ZNF736: variants seen among roughly 807,000 people sequenced by gnomAD.
The protein encoded by ZNF736 is zinc finger protein 736, also known as KRAB-containing zinc-finger repressor protein.
Under a neutral mutation model 11.7 loss-of-function variants are expected in ZNF736, and 6 were observed. That is an observed-to-expected ratio of 0.51 (90% CI 0.28 to 1.01). The LOEUF is 1.01. Among genes scored for constraint, ZNF736 ranks in the 50% least tolerant of loss-of-function variants. The pLI, the probability that ZNF736 is intolerant of heterozygous loss-of-function variation, is 0.09. For missense variants in ZNF736, 444 were observed against 496.0 expected (o/e 0.90, Z 1.00); for synonymous variants, 139 against 164.7 (o/e 0.84, Z 1.19).
chr7:64,314,228 A>G lies in ZNF736; in HGVS notation c.3+75A>G, dbSNP rs951747835. ...TCCGGCCGGAACCGGCTGCGGTGGT[A>G]TCTGGGCCTTCTCGCGGTCTGCTCT... On this transcript the variant is annotated intron_variant, in intron 1 of 3. Transcript: ENST00000423484. 3.3e-6 allele frequency: 5 copies of G among 1,533,314 alleles called. No individual in the cohort carries two copies. In the African/African-American group the frequency reaches 5.5e-5, roughly 17 times the overall value. 95.0% of individuals were successfully genotyped at this position (1,533,314 alleles called of 1,614,324 possible). A position where few individuals can be genotyped will look rare whatever the true frequency, so the allele number is the denominator to read the frequency against.
chr7:64,349,216 G>A lies in ZNF736; in HGVS notation c.*69G>A, dbSNP rs1789454390. On this transcript the variant is annotated 3_prime_UTR_variant, in exon 4 of 4. Transcript: ENST00000423484. The stretch of plus-strand genomic sequence containing the variant: ...ATCTGAAATTTAATACTGAACAAAT[G>A]CAGTATAAATGTAATGACAGTGGAA... 8.0e-7 allele frequency: 1 copy of A among 1,255,014 alleles called. No individual in the cohort carries two copies. Among genetic ancestry groups the A allele is most frequent in the African/African-American group, 1.5e-5 (1 of 66,136 alleles). The allele number at this position is 1,255,014 out of a possible 1,614,324, so 77.7% of individuals were successfully genotyped here.
intron 1 of ZNF736, among the ~76,000 whole-genome samples, chr7:64,333,874 C>T (rs1395021895): frequency 3.9e-5 from 6 of 152,310 alleles, no homozygotes; most frequent in South Asian, 2.1e-4. Context: ...GGAGGCATCA[C>T]GCTACCTGAC....
chr7:64,324,382 G>T (rs1303008618), intron 1 of ZNF736, among the ~76,000 whole-genome samples: 1 of 152,110 alleles, frequency 6.6e-6, no homozygotes, highest in Non-Finnish European at 1.5e-5. Flanking sequence ...GAAAAGGGAG[G>T]TTCTGCTCTA....
intron 3 of ZNF736, among the ~76,000 whole-genome samples, chr7:64,341,355 C>T (rs1789334956): frequency 6.6e-6 from 1 of 151,674 alleles, no homozygotes; most frequent in South Asian, 2.1e-4. Context: ...AATTTGAAAA[C>T]TTAAAAACAG....
chr7:64,324,688 A>G (rs1213156414), intron 1 of ZNF736, among the ~76,000 whole-genome samples: 1 of 152,204 alleles, frequency 6.6e-6, no homozygotes, highest in Non-Finnish European at 1.5e-5. Flanking sequence ...CATCCAGTCA[A>G]CTGGGCTTCT....
rs1303895518 is a variant in ZNF736 at position 64,319,331 on chromosome 7, G to GTATA, written c.3+5179_3+5180insATAT. 2.1e-3 allele frequency among the ~76,000 whole-genome samples: 158 copies of GTATA among 75,496 alleles called. 11 individuals are homozygous for GTATA. Among genetic ancestry groups the GTATA allele is most frequent in the Non-Finnish European group, 3.2e-3 (119 of 37,764 alleles). 49.5% of individuals were successfully genotyped at this position (75,496 alleles called of 152,430 possible). On this transcript the variant is annotated intron_variant, in intron 1 of 3. Transcript: ENST00000423484. Reference sequence around the variant, plus strand: ...TGTATATGTATGTGTGTGTGTGTATGTGTATATATATATATATATATATAT... The same window carrying GTATA: ...TGTATATGTATGTGTGTGTGTGTATGTATATGTATATATATATATATATATATAT...
At chr7:64,336,136 A>T (rs2115929284) in intron 1 of ZNF736, 123 bp from the exon 2 acceptor site, 1 of 1,087,488 alleles carries the variant, frequency 9.2e-7, no homozygotes, top group East Asian at 2.6e-5. Context: ...GCTAGAAAGT[A>T]TCCTACTGGA....
At chr7:64,329,415 AG>A (rs1343077944) in intron 1 of ZNF736, among the ~76,000 whole-genome samples, 1 of 152,116 alleles carries the variant, frequency 6.6e-6, no homozygotes, top group Non-Finnish European at 1.5e-5. Flanking sequence ...AAGTATTCAA[AG>A]GGAATTGAGT....
At chr7:64,317,088 T>C (rs1788928410) in intron 1 of ZNF736, among the ~76,000 whole-genome samples, 1 of 152,236 alleles carries the variant, frequency 6.6e-6, no homozygotes, top group African/African-American at 2.4e-5. Context: ...CCAACTCATT[T>C]TTTTAAAAAA....
At chr7:64,318,995 T>C (rs570675633) in intron 1 of ZNF736, among the ~76,000 whole-genome samples, 2 of 152,256 alleles carry the variant, frequency 1.3e-5, no homozygotes, top group Non-Finnish European at 2.9e-5. Flanking sequence ...AAGTTTCCTT[T>C]AGTTGTCCTC....
Position 64,353,107 on chromosome 7 carries a change from T to G in ZNF736, c.*3960T>G, listed in dbSNP as rs1278158408. ...CTTATCTGCTGAGACTCCATGTAGC[T>G]CTGTGTGTTAAACTGAAGGCCTTGG... On this transcript the variant is annotated 3_prime_UTR_variant, in exon 4 of 4. Coordinates refer to ENST00000423484, the MANE Select transcript of ZNF736 (RefSeq NM_001170905.3). 6.6e-6 allele frequency: 1 copy of G among 152,204 alleles called. No individual in the cohort carries two copies. The highest frequency in any genetic ancestry group is 1.5e-5 in the Non-Finnish European group (1 of 68,064). The allele number at this position is 152,204 out of a possible 1,614,324, so 9.4% of individuals were successfully genotyped here.
At chr7:64,331,697 G>T (rs548613720) in intron 1 of ZNF736, among the ~76,000 whole-genome samples, 1 of 152,276 alleles carries the variant, frequency 6.6e-6, no homozygotes, top group Admixed American at 6.5e-5. Context: ...TGAGCCCGGG[G>T]TCAATCACGA....
At chr7:64,337,053 A>C (rs919930239) in intron 3 of ZNF736, 71 bp downstream of exon 3, 8 of 1,265,782 alleles carry the variant, frequency 6.3e-6, no homozygotes, top group Non-Finnish European at 8.9e-6. Flanking sequence ...CCAAACCTTT[A>C]AACATGCTTC....
intron 1 of ZNF736, among the ~76,000 whole-genome samples, chr7:64,319,335 A>ATGTATG (rs1462913613): frequency 2.7e-5 from 1 of 36,970 alleles, no homozygotes; most frequent in Non-Finnish European, 5.1e-5. Context: ...GTGTATGTGT[A>ATGTATG]TATATATATA....
At chr7:64,328,641 AGT>A (rs1789115512) in intron 1 of ZNF736, among the ~76,000 whole-genome samples, 1 of 152,100 alleles carries the variant, frequency 6.6e-6, no homozygotes, top group Non-Finnish European at 1.5e-5. Context: ...GGGCTCCTGT[AGT>A]CCCAGCTACT....
chr7:64,341,381 T>C (rs1271650081), intron 3 of ZNF736, among the ~76,000 whole-genome samples: 1 of 152,132 alleles, frequency 6.6e-6, no homozygotes, highest in Non-Finnish European at 1.5e-5. Flanking sequence ...TAATCTAATA[T>C]TTAAAGACTT....
At chr7:64,325,535 C>T (rs1156941315) in intron 1 of ZNF736, among the ~76,000 whole-genome samples, 1 of 152,120 alleles carries the variant, frequency 6.6e-6, no homozygotes, top group Non-Finnish European at 1.5e-5. Context: ...GATTAAAATG[C>T]CTACTGGAAA....
rs1789502179 is a variant in ZNF736, at chr7:64,352,566, C to T, written c.*3419C>T. On this transcript the variant is annotated 3_prime_UTR_variant, in exon 4 of 4. Coordinates refer to ENST00000423484, the MANE Select transcript of ZNF736 (RefSeq NM_001170905.3). ...GGCAGCTCACTCCTCCCTCTAGGAA[C>T]TGTATCCCAAAGAGGTTTCAAAACT... 6.5e-6 allele frequency: 1 copy of T among 153,916 alleles called. No individual in the cohort carries two copies. The highest frequency in any genetic ancestry group is 1.4e-5 in the Non-Finnish European group (1 of 69,234). 9.5% of individuals were successfully genotyped at this position (153,916 alleles called of 1,614,324 possible). A position where few individuals can be genotyped will look rare whatever the true frequency, so the allele number is the denominator to read the frequency against.
chr7:64,321,607 A>G (rs1789002203), intron 1 of ZNF736, among the ~76,000 whole-genome samples: 1 of 152,332 alleles, frequency 6.6e-6, no homozygotes, highest in East Asian at 1.9e-4. Context: ...TGAAAAGAAC[A>G]GCTCAAGCAA....
Sources: allele counts gnomAD v4.1 joint callset (sites outside exome capture counted in the v4.1 genomes callset), GRCh38; gene constraint gnomAD v4.1.1; transcripts MANE v1.5; gene names NCBI Gene and HGNC (gene_info 2026-07-23, HGNC 2026-07-21).